TSC22D3: variants seen among roughly 807,000 people sequenced by gnomAD.
TSC22D3 encodes the protein TSC22 domain family protein 3.
In TSC22D3, 4 loss-of-function variants were observed where a neutral mutation model predicts 11.1. That is an observed-to-expected ratio of 0.36 (90% CI 0.18 to 0.83). The LOEUF is 0.83. Among genes scored for constraint, TSC22D3 ranks in the 40% least tolerant of loss-of-function variants. The probability of loss-of-function intolerance (pLI) is 0.48; values close to 1 mark genes in which losing one functional copy is unlikely to be tolerated. For synonymous variants in TSC22D3, 77 were observed against 70.3 expected, an observed-to-expected ratio of 1.10 and a Z score of -0.48; for missense variants, 118 against 159.4, an observed-to-expected ratio of 0.74 and a Z score of 1.40.
chrX:107,771,201 G>C (rs997551918), intron 1 of TSC22D3, among the ~76,000 whole-genome samples: 2 of 112,472 alleles, frequency 1.8e-5, no homozygotes, highest in African/African-American at 3.2e-5. Context: ...GACAATTCAG[G>C]CTCTGCTCTT....
At chrX:107,772,156 C>A (rs1242344680) in intron 1 of TSC22D3, among the ~76,000 whole-genome samples, 1 of 111,510 alleles carries the variant, frequency 9.0e-6, no homozygotes. Flanking sequence ...AGCAGACAAA[C>A]CAGATGTAAA....
chrX:107,755,552 A>C lies in TSC22D3; in HGVS notation c.320+19548T>G, dbSNP rs189288452. Among the ~76,000 whole-genome samples, 125 of 112,678 alleles carry C rather than the reference A, an allele frequency of 1.1e-3. 1 individual carries two copies. Among genetic ancestry groups the C allele is most frequent in the Non-Finnish European group, 1.9e-3 (104 of 53,338 alleles). ...AGGACTAATAATCATGTTTTGTATC[A>C]CAGGGAATGGAAAGAAGTGGACCAA... On this transcript the variant is annotated intron_variant, in intron 1 of 2. Coordinates refer to ENST00000372383, the MANE Select transcript of TSC22D3 (RefSeq NM_198057.3).
intron 1 of TSC22D3, among the ~76,000 whole-genome samples, chrX:107,741,453 A>T (rs1928397352): frequency 8.9e-6 from 1 of 112,975 alleles, no homozygotes; most frequent in South Asian, 3.6e-4. Context: ...GCTTAGAGAA[A>T]TGAATCCAAG....
At chrX:107,721,730 A>G (rs1410950054) in intron 1 of TSC22D3, 1 of 320,228 alleles carries the variant, frequency 3.1e-6, no homozygotes, top group Non-Finnish European at 5.6e-6. Context: ...AAAAGGAAAT[A>G]CAAAAAGGAT....
chrX:107,775,764 G>C lies in TSC22D3; in HGVS notation c.-345C>G, dbSNP rs1390871244. 1.3e-5 allele frequency: 2 copies of C among 148,172 alleles called. No individual in the cohort carries two copies. Among genetic ancestry groups the C allele is most frequent in the African/African-American group, 6.3e-5 (2 of 31,909 alleles). 12.2% of individuals were successfully genotyped at this position (148,172 alleles called of 1,213,427 possible). A position where few individuals can be genotyped will look rare whatever the true frequency, so the allele number is the denominator to read the frequency against. The stretch of plus-strand genomic sequence containing the variant: ...AGTCCCAAGTTTCCCAAGTGTGAGC[G>C]GGGATTGGGGCGGACCTGTGGAGGC... On this transcript the variant is annotated 5_prime_UTR_variant, in exon 1 of 3. Coordinates refer to ENST00000372383, the MANE Select transcript of TSC22D3 (RefSeq NM_198057.3).
intron 1 of TSC22D3, among the ~76,000 whole-genome samples, chrX:107,761,524 C>T (rs185367930): frequency 3.6e-5 from 4 of 112,580 alleles, no homozygotes; most frequent in East Asian, 2.8e-4. Context: ...GCAATTTTCA[C>T]GCATTAGTTC....
intron 1 of TSC22D3, among the ~76,000 whole-genome samples, chrX:107,728,372 C>T (rs537425836): frequency 2.5e-4 from 28 of 112,572 alleles, no homozygotes; most frequent in Middle Eastern, 4.6e-3. Context: ...AGTAAGTGGC[C>T]GCTAATGACC....
At chrX:107,766,004 ATTTCTT>A (rs1331620574) in intron 1 of TSC22D3, among the ~76,000 whole-genome samples, 3 of 111,623 alleles carry the variant, frequency 2.7e-5, no homozygotes, top group African/African-American at 9.8e-5. Flanking sequence ...TTTCTCCTCT[ATTTCTT>A]GGAGTGGAGA....
intron 1 of TSC22D3, chrX:107,716,720 C>G: frequency 8.3e-7 from 1 of 1,209,322 alleles, no homozygotes; most frequent in Non-Finnish European, 1.1e-6. Context: ...AACCACATCC[C>G]CTCCAAGCAG....
In TSC22D3 at chrX:107,714,663, GTTC is replaced by G; in HGVS notation, c.456_458del (p.Lys152del). 8.3e-7 allele frequency: 1 copy of G among 1,211,935 alleles called. No homozygotes were observed. The highest frequency in any genetic ancestry group is 1.8e-5 in the South Asian group (1 of 57,023). On this transcript the variant is annotated inframe_deletion, in exon 3 of 3. Coordinates refer to ENST00000372383, the MANE Select transcript of TSC22D3 (RefSeq NM_198057.3). ...GGGTGTTCTCACGCTCTAGCTGGGA[GTTC>G]TTCTCCACCAGCTCTCGGATCTGCT...
At chrX:107,716,660 G>A (rs1569446788) in intron 1 of TSC22D3, 2 of 1,191,495 alleles carry the variant, frequency 1.7e-6, no homozygotes, top group Non-Finnish European at 2.3e-6. Flanking sequence ...CCCCGGCTCG[G>A]GAGGCGCCGG....
At chrX:107,721,591 G>A (rs1207774801) in intron 1 of TSC22D3, among the ~76,000 whole-genome samples, 1 of 112,055 alleles carries the variant, frequency 8.9e-6, no homozygotes, top group African/African-American at 3.2e-5. Context: ...TTTCTACAGG[G>A]AATGTTCCAC....
At chrX:107,732,281 C>A (rs1189535266) in intron 1 of TSC22D3, among the ~76,000 whole-genome samples, 5 of 110,108 alleles carry the variant, frequency 4.5e-5, no homozygotes, top group South Asian at 3.9e-4. Context: ...AGCACTGGGG[C>A]CCAGTGCAGT....
At chrX:107,747,611 C>T (rs1297030897) in intron 1 of TSC22D3, among the ~76,000 whole-genome samples, 1 of 113,131 alleles carries the variant, frequency 8.8e-6, no homozygotes, top group East Asian at 2.8e-4. Context: ...GCTTTCTTTA[C>T]TTAGTTCATT....
chrX:107,723,622 C>T (rs773939257), intron 1 of TSC22D3, among the ~76,000 whole-genome samples: 3 of 112,804 alleles, frequency 2.7e-5, no homozygotes, highest in Admixed American at 1.9e-4. Context: ...CTATGCCACT[C>T]TCCACATTTA....
At chrX:107,722,173 T>C in intron 1 of TSC22D3, 1 of 238,433 alleles carries the variant, frequency 4.2e-6, no homozygotes. Flanking sequence ...GGGAGGAGAA[T>C]GCAGATGCAG....
chrX:107,724,886 C>T (rs1037162345), intron 1 of TSC22D3, among the ~76,000 whole-genome samples: 1 of 112,472 alleles, frequency 8.9e-6, no homozygotes, highest in Non-Finnish European at 1.9e-5. Context: ...ACCATTTGTG[C>T]ACAATCAATC....
intron 1 of TSC22D3, among the ~76,000 whole-genome samples, chrX:107,753,313 A>C (rs995259063): frequency 1.8e-5 from 2 of 111,362 alleles, no homozygotes; most frequent in African/African-American, 6.5e-5. Flanking sequence ...ACTGCTGACT[A>C]TGATAGGTAG....
At chrX:107,734,314 C>T (rs751852315) in intron 1 of TSC22D3, among the ~76,000 whole-genome samples, 11 of 112,704 alleles carry the variant, frequency 9.8e-5, no homozygotes, top group Non-Finnish European at 1.9e-4. Flanking sequence ...TGGAACATCT[C>T]TTGCTCTGAA....
Sources: allele counts gnomAD v4.1 joint callset (sites outside exome capture counted in the v4.1 genomes callset), GRCh38; gene constraint gnomAD v4.1.1; transcripts MANE v1.5; gene names NCBI Gene and HGNC (gene_info 2026-07-23, HGNC 2026-07-21).